Variants in CRADD observed in about 807,000 individuals in gnomAD.
The protein encoded by CRADD is death domain-containing protein CRADD.
In CRADD, 9 loss-of-function variants were observed where a neutral mutation model predicts 15.5. The observed-to-expected ratio is 0.58, with a 90% confidence interval of 0.35 to 1.01. The LOEUF (loss-of-function observed/expected upper bound fraction) is 1.01, where lower values mean the gene tolerates loss of function less well. Ranked by LOEUF, CRADD falls within the 50% of genes least tolerant of loss-of-function variation. The pLI, the probability that CRADD is intolerant of heterozygous loss-of-function variation, is 0.02. For synonymous variants in CRADD, 118 were observed against 107.6 expected, an observed-to-expected ratio of 1.10 and a Z score of -0.60; for missense variants, 227 against 250.3, an observed-to-expected ratio of 0.91 and a Z score of 0.63.
At chr12:93,773,813 G>GTTTT (rs3030268) in intron 2 of CRADD, among the ~76,000 whole-genome samples, 27,376 of 87,110 alleles carry the variant, frequency 0.31, 5,355 homozygotes, top group East Asian at 0.63. Flanking sequence ...TACTTTGTGA[G>GTTTT]TTTTTTTTTT....
At chr12:93,830,418 T>G (rs780960813) in intron 2 of CRADD, among the ~76,000 whole-genome samples, 11 of 152,190 alleles carry the variant, frequency 7.2e-5, no homozygotes, top group Non-Finnish European at 1.2e-4. Flanking sequence ...AGGTAAGTAT[T>G]TTTTGTTTTG....
chr12:93,741,961 T>G (rs73361570), intron 2 of CRADD, among the ~76,000 whole-genome samples: 17 of 152,258 alleles, frequency 1.1e-4, no homozygotes, highest in African/African-American at 4.1e-4. Context: ...CTACACGCCA[T>G]GATCTTTGTT....
At chr12:93,891,843 C>G (rs763823230) in intron 2 of CRADD, among the ~76,000 whole-genome samples, 3 of 152,186 alleles carry the variant, frequency 2.0e-5, no homozygotes, top group Non-Finnish European at 2.9e-5. Context: ...CTTACTCCCC[C>G]CGACCTCCTT....
chr12:93,728,039 T>C (rs1956400416), intron 2 of CRADD, among the ~76,000 whole-genome samples: 1 of 152,198 alleles, frequency 6.6e-6, no homozygotes, highest in Non-Finnish European at 1.5e-5. Context: ...CCCCCTGGAC[T>C]GTGAACCCTT....
intron 2 of CRADD, among the ~76,000 whole-genome samples, chr12:93,758,671 T>C (rs528949735): frequency 6.6e-6 from 1 of 152,264 alleles, no homozygotes; most frequent in African/African-American, 2.4e-5. Context: ...TTTGGTGTTA[T>C]TCAATTGGTA....
intron 2 of CRADD, among the ~76,000 whole-genome samples, chr12:93,754,150 T>C (rs1956862350): frequency 6.6e-6 from 1 of 152,244 alleles, no homozygotes; most frequent in East Asian, 1.9e-4. Flanking sequence ...GGCTTGGGGC[T>C]TACACCCATT....
chr12:93,773,528 G>C (rs927340797), intron 2 of CRADD, among the ~76,000 whole-genome samples: 1 of 152,128 alleles, frequency 6.6e-6, no homozygotes, highest in African/African-American at 2.4e-5. Flanking sequence ...CCAGTCTTGG[G>C]TATGTCTGTA....
chr12:93,786,582 A>C (rs1039720264), intron 2 of CRADD, among the ~76,000 whole-genome samples: 4 of 152,192 alleles, frequency 2.6e-5, no homozygotes, highest in Non-Finnish European at 5.9e-5. Flanking sequence ...ATAGATTCTG[A>C]AATCCCTTCA....
In CRADD at chr12:93,757,709, G is replaced by A. The variant is rs186664132; in HGVS notation, c.298+78637G>A. Among the ~76,000 whole-genome samples the A allele has an allele frequency of 2.4e-3, 370 of 152,286 alleles. 2 individuals are homozygous for A. The highest frequency in any genetic ancestry group is 8.2e-3 in the African/African-American group (341 of 41,548). On this transcript the variant is annotated intron_variant, in intron 2 of 2. Coordinates refer to ENST00000332896, the MANE Select transcript of CRADD (RefSeq NM_003805.5). ...GCTTAAGAAGGAGACAATAGCAATA[G>A]GACATTGTTTGCTCAGCCTCTCCAT...
intron 2 of CRADD, among the ~76,000 whole-genome samples, chr12:93,882,779 G>A (rs539072217): frequency 6.6e-6 from 1 of 152,328 alleles, no homozygotes; most frequent in African/African-American, 2.4e-5. Context: ...CACACAAAGA[G>A]GGAAGCAGGT....
At chr12:93,796,833 T>G (rs1169433675) in intron 2 of CRADD, among the ~76,000 whole-genome samples, 1 of 152,178 alleles carries the variant, frequency 6.6e-6, no homozygotes, top group Non-Finnish European at 1.5e-5. Context: ...TGCTATCTAT[T>G]AGAGCTCTAA....
At chr12:93,715,562 C>T (rs1469163098) in intron 2 of CRADD, among the ~76,000 whole-genome samples, 1 of 151,782 alleles carries the variant, frequency 6.6e-6, no homozygotes, top group Non-Finnish European at 1.5e-5. Flanking sequence ...TGGTTTGAGC[C>T]CAGGAGTTCC....
intron 2 of CRADD, among the ~76,000 whole-genome samples, chr12:93,879,609 CAAGTAGGGA>C (rs1487244138): frequency 3.9e-5 from 6 of 152,186 alleles, no homozygotes; most frequent in Admixed American, 2.0e-4. Flanking sequence ...CTCAAATAAA[CAAGTAGGGA>C]AAGTTACCTT....
At chr12:93,790,796 T>C (rs1311874638) in intron 2 of CRADD, 1 of 152,118 alleles carries the variant, frequency 6.6e-6, no homozygotes, top group East Asian at 1.9e-4. Context: ...GAATTGACTC[T>C]AGGTCCCAGA....
intron 2 of CRADD, among the ~76,000 whole-genome samples, chr12:93,685,921 A>T (rs982577947): frequency 1.3e-5 from 2 of 152,206 alleles, no homozygotes; most frequent in Admixed American, 1.3e-4. Context: ...TGAACCTGGC[A>T]GGTGGAGGTT....
intron 2 of CRADD, among the ~76,000 whole-genome samples, chr12:93,870,538 G>A (rs1330570369): frequency 6.6e-6 from 1 of 152,188 alleles, no homozygotes; most frequent in Non-Finnish European, 1.5e-5. Context: ...ACATGGCCAA[G>A]AGGAACAGGT....
intron 2 of CRADD, among the ~76,000 whole-genome samples, chr12:93,780,219 T>C (rs2136970811): frequency 6.6e-6 from 1 of 152,300 alleles, no homozygotes; most frequent in South Asian, 2.1e-4. Flanking sequence ...TTAAAGACAA[T>C]GATGTTCAAA....
intron 2 of CRADD, among the ~76,000 whole-genome samples, chr12:93,715,065 TAA>T (rs72298984): frequency 0.051 from 7,623 of 150,808 alleles, 604 homozygotes; most frequent in African/African-American, 0.17. Flanking sequence ...CTTTTTTTAT[TAA>T]AAAAAAAATT....
At position 93,835,482 on chromosome 12, in the gene CRADD, T is replaced by C. The variant is rs559644774; in HGVS notation, c.299-14488T>C. The stretch of plus-strand genomic sequence containing the variant: ...TATGCTCTTTTGACTTAGAGCTCTG[T>C]TGCTTGCTCATTTTAGGGATATTTT... On this transcript the variant is annotated intron_variant, in intron 2 of 2. Coordinates refer to ENST00000332896, the MANE Select transcript of CRADD (RefSeq NM_003805.5). 1.7e-4 allele frequency among the ~76,000 whole-genome samples: 26 copies of C among 152,336 alleles called. 1 individual carries two copies. The South Asian group carries it at 5.2e-3, about 30-fold the overall frequency.
Sources: allele counts gnomAD v4.1 joint callset (sites outside exome capture counted in the v4.1 genomes callset), GRCh38; gene constraint gnomAD v4.1.1; transcripts MANE v1.5; gene names NCBI Gene and HGNC (gene_info 2026-07-23, HGNC 2026-07-21).